LRRK1: variants seen among roughly 807,000 people sequenced by gnomAD.
LRRK1 encodes leucine rich repeat kinase 1, also known as leucine-rich repeat serine/threonine-protein kinase 1.
A neutral mutation model predicts 209.1 loss-of-function variants in LRRK1; 113 were observed. The observed-to-expected ratio is 0.54, with a 90% CI of 0.46 to 0.63. The LOEUF is 0.63. Ranked by LOEUF, LRRK1 falls within the 30% of genes least tolerant of loss-of-function variation. The pLI is 0.00. For synonymous variants in LRRK1, 1,144 were observed against 1,099.7 expected (o/e 1.04, Z -0.80); for missense variants, 2,284 against 2,632.2 (o/e 0.87, Z 2.89).
rs201161852 is a variant in LRRK1 at position 100,941,234 on chromosome 15, C to CTG, written c.97+16513_97+16514dup. Among the ~76,000 whole-genome samples, 860 of 127,572 alleles carry CTG rather than the reference C, an allele frequency of 6.7e-3. 12 individuals carry two copies. Among genetic ancestry groups the CTG allele is most frequent in the African/African-American group, 0.023 (743 of 32,650 alleles). 83.7% of individuals were successfully genotyped at this position (127,572 alleles called of 152,430 possible). On this transcript the variant is annotated intron_variant, in intron 2 of 33. Transcript: ENST00000388948. ...TGTCTGTATGTGTCTGTGTGTGTGT[C>CTG]TGTGTGTGTCTGTCTGTGTGTGTGT... is the stretch of plus-strand genomic sequence containing the variant.
Position 100,985,020 on chromosome 15 carries a change from C to A in LRRK1, c.433+1321C>A, listed in dbSNP as rs187531002. Among the ~76,000 whole-genome samples, 1,200 of 152,278 alleles carry A rather than the reference C, an allele frequency of 7.9e-3. 17 individuals carry two copies. The highest frequency in any genetic ancestry group is 0.028 in the African/African-American group (1,154 of 41,532). ...GTTTCATGATTTTTAAACAAGAAGC[C>A]CCATTCTTTTCATTTTGCATTGGGC... On this transcript the variant is annotated intron_variant, in intron 4 of 33. Transcript: ENST00000388948.
rs377571378 is a variant in LRRK1 at position 101,014,353 on chromosome 15, C to T, written c.1457C>T (p.Ala486Val). Residue 486 changes from alanine (A) to valine (V), a missense_variant, in exon 11 of 34, where the codon GCG becomes GTG. Physicochemically the swap from Ala to Val is moderately conservative, Grantham distance 64 (BLOSUM62 0). Coordinates refer to ENST00000388948, the MANE Select transcript of LRRK1 (RefSeq NM_024652.6). ...MFLRLQGNQL[A>V]ALPPQEKWTC... ...TTGAGGTTACAGGGGAACCAGCTGGCGGCACTTCCACCTCAAGAGAAGTGG... is the reference window on the plus strand; with the variant it reads ...TTGAGGTTACAGGGGAACCAGCTGGTGGCACTTCCACCTCAAGAGAAGTGG... 4.1e-5 allele frequency: 66 copies of T among 1,613,698 alleles called. No homozygotes were observed. In the African/African-American group the frequency reaches 6.7e-4, roughly 16 times the overall value.
Position 101,065,626 on chromosome 15 carries a change from A to G in LRRK1, c.5189A>G (p.Tyr1730Cys), listed in dbSNP as rs374196433. ...GAGATCTGCAGGCGGCTGGAGCCCT[A>G]CATGGCCCCCTCCATGGTTACGTCA... ...SLEICRRLEP[Y>C]MAPSMVTSVV... The change falls in exon 32 of 34, where the codon TAC becomes TGC. Residue 1730 changes from tyrosine (Y) to cysteine (C), a missense_variant. Around this residue, in one of 6 missense-constraint regions of LRRK1, gnomAD observed 643 missense variants for 695.9 expected, o/e 0.92. Transcript: ENST00000388948. 2 of 1,614,186 alleles carry G rather than the reference A, an allele frequency of 1.2e-6. No homozygotes were observed. Among genetic ancestry groups the G allele is most frequent in the Non-Finnish European group, 1.7e-6 (2 of 1,180,026 alleles).
Position 101,058,039 on chromosome 15 carries a change from C to T in LRRK1, c.4577C>T (p.Ala1526Val), listed in dbSNP as rs764746962. The T allele has an allele frequency of 1.9e-6, 3 of 1,614,136 alleles. No homozygotes were observed. In the East Asian group the frequency reaches 6.7e-5, roughly 36 times the overall value. Residue 1526 changes from alanine to valine, a missense_variant, in exon 29 of 34, where the codon GCC (alanine) becomes GTC (valine). This residue lies in a region of LRRK1 where 643 missense variants were observed against 695.9 expected (regional missense o/e 0.92). Coordinates refer to ENST00000388948, the MANE Select transcript of LRRK1 (RefSeq NM_024652.6). ...AGCCAGATGAAGGACCCGACTTTTG[C>T]CACCTTCATGTATGAACTGTGCTGT... is the stretch of plus-strand genomic sequence containing the variant. ...VVSQMKDPTF[A>V]TFMYELCCGK...
intron 31 of LRRK1, among the ~76,000 whole-genome samples, chr15:101,063,179 T>C (rs1299084447): frequency 1.3e-5 from 2 of 152,164 alleles, no homozygotes; most frequent in Admixed American, 6.5e-5. Flanking sequence ...CCCTGCAGAC[T>C]CAGCTCTTTA....
chr15:101,022,679 C>G lies in LRRK1; in HGVS notation c.2067+82C>G, dbSNP rs2033853882. ...CCTTCTCCCTTCTCCCCAGAGAGCC[C>G]AGGATTTTCTCAGCCTGGTGTCCAA... On this transcript the variant is annotated intron_variant, in intron 15 of 33. Transcript: ENST00000388948. This position sits in a 1 kb window ranked among gnomAD's most constrained non-coding sequence, Gnocchi z 4.0. 1 of 1,040,164 alleles carries G rather than the reference C, an allele frequency of 9.6e-7. No homozygotes were observed. Among genetic ancestry groups the G allele is most frequent in the South Asian group, 1.6e-5 (1 of 63,470 alleles). The allele number at this position is 1,040,164 out of a possible 1,614,324, so 64.4% of individuals were successfully genotyped here.
At position 101,046,583 on chromosome 15, in the gene LRRK1, G is replaced by C. The variant is rs1401707957; in HGVS notation, c.3135+431G>C. Among the ~76,000 whole-genome samples, 18 of 152,226 alleles carry C rather than the reference G, an allele frequency of 1.2e-4. 1 individual carries two copies. The highest frequency in any genetic ancestry group is 1.2e-3 in the Admixed American group (18 of 15,292). On this transcript the variant is annotated intron_variant, in intron 21 of 33. Transcript: ENST00000388948. Reference sequence around the variant, plus strand: ...ACCGTGAAGTTAGAAGCACGGTTTTGCCGTCCTGGCTGCACGCTAGACTCG... The same window carrying C: ...ACCGTGAAGTTAGAAGCACGGTTTTCCCGTCCTGGCTGCACGCTAGACTCG...
At chr15:101,002,427 T>C (rs1358173954) in intron 6 of LRRK1, among the ~76,000 whole-genome samples, 1 of 152,244 alleles carries the variant, frequency 6.6e-6, no homozygotes. Flanking sequence ...TTCCTTTTAC[T>C]TGGACTGAAA....
At chr15:101,051,569 T>C in intron 23 of LRRK1, 142 bp from the exon 24 acceptor site, 2 of 1,079,834 alleles carry the variant, frequency 1.9e-6, no homozygotes, top group Non-Finnish European at 2.6e-6. Flanking sequence ...GGCAGTGGGT[T>C]TCAGCCTGTC....
chr15:101,047,887 A>C (rs1231694882), intron 21 of LRRK1, among the ~76,000 whole-genome samples: 2 of 152,222 alleles, frequency 1.3e-5, no homozygotes, highest in Admixed American at 1.3e-4. Flanking sequence ...CATGTAACTC[A>C]AGGTGGTTTT....
chr15:100,921,708 T>A (rs983763027), intron 1 of LRRK1, among the ~76,000 whole-genome samples: 1 of 152,230 alleles, frequency 6.6e-6, no homozygotes, highest in African/African-American at 2.4e-5. Flanking sequence ...ATTTGTAGAA[T>A]GAATGACAGG....
In LRRK1 at chr15:101,010,671, T is replaced by A. The variant is rs2033189620; in HGVS notation, c.1118-3T>A. The stretch of plus-strand genomic sequence containing the variant: ...TACTTTGGGTCTTTTTTTTTTTTTT[T>A]AGCCACTAACTGGATAGGTTTACGG... On this transcript the variant is annotated splice_polypyrimidine_tract_variant and splice_region_variant and intron_variant, in intron 8 of 33. Coordinates refer to ENST00000388948, the MANE Select transcript of LRRK1 (RefSeq NM_024652.6). 17 of 1,455,234 alleles carry A rather than the reference T, an allele frequency of 1.2e-5. No homozygotes were observed. Among genetic ancestry groups the A allele is most frequent in the Admixed American group, 2.0e-5 (1 of 49,666 alleles). The allele number at this position is 1,455,234 out of a possible 1,614,324, so 90.1% of individuals were successfully genotyped here.
intron 15 of LRRK1, among the ~76,000 whole-genome samples, chr15:101,023,849 A>G (rs771665133): frequency 1.3e-5 from 2 of 152,228 alleles, no homozygotes; most frequent in Non-Finnish European, 2.9e-5. Context: ...ACGCTAGGCC[A>G]ATCCTAGAAC....
At chr15:101,015,931 TTCTC>T (rs1315957669) in intron 12 of LRRK1, among the ~76,000 whole-genome samples, 6 of 151,950 alleles carry the variant, frequency 3.9e-5, no homozygotes, top group African/African-American at 1.2e-4. Context: ...CCTGGCATCC[TTCTC>T]TCTATGTCCT....
At chr15:100,980,702 A>T (rs200561742) in intron 3 of LRRK1, among the ~76,000 whole-genome samples, 1 of 146 alleles carries the variant, frequency 6.8e-3, no homozygotes, top group East Asian at 0.25. Flanking sequence ...GCAAAAAGTT[A>T]AAAAAAAAAT....
At chr15:101,039,079 C>G (rs1293071074) in intron 20 of LRRK1, among the ~76,000 whole-genome samples, 1 of 152,140 alleles carries the variant, frequency 6.6e-6, no homozygotes, top group Non-Finnish European at 1.5e-5. Context: ...TCTTCTGTTT[C>G]AAGATTATTT....
chr15:101,031,036 T>C (rs745371104), intron 20 of LRRK1, among the ~76,000 whole-genome samples: 6 of 152,180 alleles, frequency 3.9e-5, no homozygotes, highest in Non-Finnish European at 8.8e-5. Context: ...TTACTTCACT[T>C]AGAATAATAG....
At position 100,977,311 on chromosome 15, in the gene LRRK1, A is replaced by T. The variant is rs530336094; in HGVS notation, c.261+3344A>T. ...CCCTCTTCGGCAAAACACTGAAGAAATATACTTGCAGCCCAGCCCCACCCC... is the reference window on the plus strand; with the variant it reads ...CCCTCTTCGGCAAAACACTGAAGAATTATACTTGCAGCCCAGCCCCACCCC... On this transcript the variant is annotated intron_variant, in intron 3 of 33. Transcript: ENST00000388948. Among the ~76,000 whole-genome samples, 4 of 152,268 alleles carry T rather than the reference A, an allele frequency of 2.6e-5. No individual in the cohort carries two copies. In the East Asian group the frequency reaches 7.7e-4, roughly 29 times the overall value.
intron 20 of LRRK1, among the ~76,000 whole-genome samples, chr15:101,041,240 C>G (rs2034741589): frequency 6.6e-6 from 1 of 152,080 alleles, no homozygotes; most frequent in African/African-American, 2.4e-5. Context: ...TGGGTTTTTT[C>G]CCTATTCTTC....
Sources: gnomAD v4.1 joint callset for allele counts (sites outside exome capture counted in the v4.1 genomes callset) on GRCh38, gnomAD v4.1.1 for gene constraint, gnomAD v4.1.1 regional missense constraint, Gnocchi (gnomAD v3.1) non-coding constraint, MANE v1.5 for transcripts, NCBI Gene and HGNC (gene_info 2026-07-23, HGNC 2026-07-21) for gene names.